The following COL26A1 variants were observed in gnomAD, a reference collection of about 807,000 sequenced individuals.
The protein encoded by COL26A1 is collagen alpha-1(XXVI) chain.
A neutral mutation model predicts 59.3 loss-of-function variants in COL26A1; 41 were observed. The ratio of observed to expected loss-of-function variants is 0.69; its 90% confidence interval spans 0.54 to 0.90. The LOEUF is 0.90. Among genes scored for constraint, COL26A1 ranks in the 40% least tolerant of loss-of-function variants. The probability of loss-of-function intolerance (pLI) is 0.00; values close to 1 mark genes in which losing one functional copy is unlikely to be tolerated. For missense variants in COL26A1, 612 were observed against 602.3 expected (o/e 1.02, Z -0.17); for synonymous variants, 266 against 256.0 (o/e 1.04, Z -0.37).
At chr7:101,387,778 A>ATATATT (rs773025730) in intron 1 of COL26A1, among the ~76,000 whole-genome samples, 41 of 84,798 alleles carry the variant, frequency 4.8e-4, no homozygotes, top group African/African-American at 1.9e-3. Flanking sequence ...ATATATATAT[A>ATATATT]TTTTTTTTTA....
chr7:101,471,941 T>C (rs1037236098), intron 3 of COL26A1, among the ~76,000 whole-genome samples: 1 of 148,446 alleles, frequency 6.7e-6, no homozygotes, highest in Non-Finnish European at 1.5e-5. Flanking sequence ...AGGCAATTAG[T>C]ATTGCTATTC....
At chr7:101,464,945 C>T (rs921301256) in intron 3 of COL26A1, among the ~76,000 whole-genome samples, 2 of 151,878 alleles carry the variant, frequency 1.3e-5, no homozygotes, top group African/African-American at 2.4e-5. Flanking sequence ...CTTCTGGCTC[C>T]AAGTGATCCT....
chr7:101,363,170 C>T lies in COL26A1; in HGVS notation c.138C>T (p.Gly46=). Residue 46 remains glycine, a synonymous_variant, in exon 1 of 13, where the codon GGC becomes GGT. Coordinates refer to ENST00000313669, the MANE Select transcript of COL26A1 (RefSeq NM_001278563.3). ...CCGAGCCCGGCGCCGGCTCCCCTGGCAGCGGCTACGCGAGCCGCCGGTGAG... is the reference window on the plus strand; with the variant it reads ...CCGAGCCCGGCGCCGGCTCCCCTGGTAGCGGCTACGCGAGCCGCCGGTGAG... The part of the protein sequence containing the change: ...GYPEPGAGSP[G]SGYASRRHWC... 5 of 1,503,968 alleles carry T rather than the reference C, an allele frequency of 3.3e-6. No individual in the cohort carries two copies. Among genetic ancestry groups the T allele is most frequent in the Non-Finnish European group, 4.4e-6 (5 of 1,134,006 alleles). 93.2% of individuals were successfully genotyped at this position (1,503,968 alleles called of 1,614,324 possible).
At chr7:101,450,726 AATT>A (rs1793312498) in intron 3 of COL26A1, among the ~76,000 whole-genome samples, 2 of 148,036 alleles carry the variant, frequency 1.4e-5, no homozygotes, top group Non-Finnish European at 3.0e-5. Context: ...AGAATTATTG[AATT>A]ATTTATATTC....
intron 1 of COL26A1, among the ~76,000 whole-genome samples, chr7:101,364,051 G>A (rs1050746187): frequency 3.9e-5 from 6 of 152,102 alleles, no homozygotes; most frequent in Admixed American, 3.9e-4. Context: ...TGGAGAGGGC[G>A]CAGGGTCACC....
At chr7:101,533,442 G>A (rs886494009) in intron 4 of COL26A1, among the ~76,000 whole-genome samples, 13 of 152,070 alleles carry the variant, frequency 8.5e-5, no homozygotes, top group African/African-American at 3.1e-4. Flanking sequence ...AAAGAGGAGG[G>A]AGTCTCTGTC....
chr7:101,471,385 T>C (rs1208096348), intron 3 of COL26A1, among the ~76,000 whole-genome samples: 1 of 152,128 alleles, frequency 6.6e-6, no homozygotes, highest in East Asian at 1.9e-4. Flanking sequence ...TCTTGGATCT[T>C]ACACAGGAAA....
intron 1 of COL26A1, among the ~76,000 whole-genome samples, chr7:101,419,483 C>T (rs935902577): frequency 6.6e-6 from 1 of 152,136 alleles, no homozygotes; most frequent in Admixed American, 6.6e-5. Context: ...TGTTACACCG[C>T]TGCTTCCCCT....
intron 2 of COL26A1, among the ~76,000 whole-genome samples, chr7:101,429,589 CTTTTTT>C (rs58432413): frequency 6.4e-5 from 5 of 78,688 alleles, no homozygotes; most frequent in Admixed American, 1.8e-4. Flanking sequence ...TTCTTTTTTA[CTTTTTT>C]TTTTTTTTTT....
At chr7:101,367,275 A>G (rs576021543) in intron 1 of COL26A1, among the ~76,000 whole-genome samples, 2 of 152,260 alleles carry the variant, frequency 1.3e-5, no homozygotes, top group East Asian at 1.9e-4. Flanking sequence ...CTATCCTCCA[A>G]TGTGGTGGTA....
intron 3 of COL26A1, among the ~76,000 whole-genome samples, chr7:101,484,026 T>TGTGTGTGTGTGG (rs1222773935): frequency 2.0e-5 from 3 of 150,252 alleles, no homozygotes; most frequent in African/African-American, 7.4e-5. Flanking sequence ...TGTGTGTGTG[T>TGTGTGTGTGTGG]GTGTGTGTAG....
chr7:101,499,896 A>AAAAAAAAAG lies in COL26A1; in HGVS notation c.386-33186_386-33185insAAAAAAAAG, dbSNP rs35819045. On this transcript the variant is annotated intron_variant, in intron 3 of 12. Coordinates refer to ENST00000313669, the MANE Select transcript of COL26A1 (RefSeq NM_001278563.3). ...CCCTGCCTTAAAAAAAAAAAAAAAA[A>AAAAAAAAAG]CACCTTTGTTATGGTTTCCTGTGCT... Among the ~76,000 whole-genome samples, 4 of 141,174 alleles carry AAAAAAAAAG rather than the reference A, an allele frequency of 2.8e-5. 1 individual carries two copies. Among genetic ancestry groups the AAAAAAAAAG allele is most frequent in the South Asian group, 2.2e-4 (1 of 4,524 alleles). 92.6% of individuals were successfully genotyped at this position (141,174 alleles called of 152,430 possible).
At chr7:101,483,679 G>GT (rs1333222711) in intron 3 of COL26A1, among the ~76,000 whole-genome samples, 18 of 148,138 alleles carry the variant, frequency 1.2e-4, no homozygotes, top group Admixed American at 2.0e-4. Context: ...AGCTAACTTT[G>GT]TTTTTTTTTT....
chr7:101,461,442 A>T (rs7795687), intron 3 of COL26A1, among the ~76,000 whole-genome samples: 1 of 151,262 alleles, frequency 6.6e-6, no homozygotes, highest in Non-Finnish European at 1.5e-5. Context: ...GGGATTACAG[A>T]TGCCCGCCAC....
At chr7:101,525,646 A>G (rs1199205292) in intron 3 of COL26A1, among the ~76,000 whole-genome samples, 8 of 146,282 alleles carry the variant, frequency 5.5e-5, no homozygotes, top group Non-Finnish European at 1.2e-4. Context: ...ACAGGTGCCC[A>G]CCATCACGCC....
rs1005510864 is a variant in COL26A1 at position 101,383,490 on chromosome 7, C to T, written c.158+20300C>T. On this transcript the variant is annotated intron_variant, in intron 1 of 12. Transcript: ENST00000313669. ...CAAATGATTATCCTGCCTCAGCCTC[C>T]GAAGTAGCTGGGATTACAGGCATGT... Among the ~76,000 whole-genome samples, 5 of 151,988 alleles carry T rather than the reference C, an allele frequency of 3.3e-5. No homozygotes were observed. The South Asian group carries it at 8.3e-4, about 25-fold the overall frequency.
At chr7:101,433,295 G>A (rs1181653216) in intron 2 of COL26A1, among the ~76,000 whole-genome samples, 1 of 152,120 alleles carries the variant, frequency 6.6e-6, no homozygotes, top group East Asian at 1.9e-4. Flanking sequence ...CTGCACTCCA[G>A]CCTGAGCAAC....
chr7:101,497,686 T>A (rs925580409), intron 3 of COL26A1, among the ~76,000 whole-genome samples: 10 of 149,852 alleles, frequency 6.7e-5, no homozygotes, highest in South Asian at 2.1e-4. Flanking sequence ...AGAAAAAAAA[T>A]AAATAAATAA....
chr7:101,450,173 A>G (rs1325289240), intron 3 of COL26A1, among the ~76,000 whole-genome samples: 1 of 151,868 alleles, frequency 6.6e-6, no homozygotes, highest in Non-Finnish European at 1.5e-5. Flanking sequence ...GAAGAGACAC[A>G]TGGGGCAGGC....
Sources: allele counts gnomAD v4.1 joint callset (sites outside exome capture counted in the v4.1 genomes callset), GRCh38; gene constraint gnomAD v4.1.1; transcripts MANE v1.5; gene names NCBI Gene and HGNC (gene_info 2026-07-23, HGNC 2026-07-21).